TNFRSF14: variants seen among roughly 807,000 people sequenced by gnomAD.
The protein encoded by TNFRSF14 is TNF receptor superfamily member 14.
A neutral mutation model predicts 34.1 loss-of-function variants in TNFRSF14; 18 were observed. The ratio of observed to expected loss-of-function variants is 0.53; its 90% CI spans 0.36 to 0.78. The LOEUF (loss-of-function observed/expected upper bound fraction) is 0.78, where lower values mean the gene tolerates loss of function less well. Among genes scored for constraint, TNFRSF14 ranks in the 30% least tolerant of loss-of-function variants. The pLI is 0.00. For synonymous variants in TNFRSF14, 157 were observed against 153.2 expected (o/e 1.02, Z -0.18); for missense variants, 352 against 379.5 (o/e 0.93, Z 0.60).
At chr1:2,554,296 G>A (rs142352960), upstream of TNFRSF14, 952 of 153,014 alleles carry the variant, frequency 6.2e-3, 10 homozygotes, top group East Asian at 0.039. The surrounding 1 kb of genome is among the most constrained non-coding windows in gnomAD (Gnocchi z 4.2). Context: ...GAGAGCCCAC[G>A]CTGAATGGAT....
At chr1:2,559,572 C>T in intron 3 of TNFRSF14, 1 of 1,527,390 alleles carries the variant, frequency 6.5e-7, no homozygotes, top group South Asian at 1.2e-5. Flanking sequence ...GCTGGTTTCT[C>T]CCATCAACGA....
Position 2,563,784 on chromosome 1 carries a change from T to G in TNFRSF14, c.*511T>G, listed in dbSNP as rs1336510414. On this transcript the variant is annotated 3_prime_UTR_variant, in exon 8 of 8. Transcript: ENST00000355716. ...TCTATTTGTCATGAAACAGTGTATT[T>G]GGGGAGATGCTGTGGGAGGATGTAA... 5 of 235,012 alleles carry G rather than the reference T, an allele frequency of 2.1e-5. No individual in the cohort carries two copies. The highest frequency in any genetic ancestry group is 4.2e-5 in the Non-Finnish European group (5 of 119,122). 14.6% of individuals were successfully genotyped at this position (235,012 alleles called of 1,614,324 possible).
intron 4 of TNFRSF14, 21 bp from the exon 5 acceptor site, chr1:2,560,603 T>C (rs1644293515): frequency 3.1e-6 from 5 of 1,605,946 alleles, no homozygotes; most frequent in Non-Finnish European, 4.3e-6. Context: ...CAGCCCCCTC[T>C]GTCCGTCCCT....
In TNFRSF14 at chr1:2,563,428, G is replaced by A. The variant is rs759219130; in HGVS notation, c.*155G>A. 3.0e-5 allele frequency: 39 copies of A among 1,291,806 alleles called. No individual in the cohort carries two copies. Among genetic ancestry groups the A allele is most frequent in the Non-Finnish European group, 3.8e-5 (36 of 952,954 alleles). The allele number at this position is 1,291,806 out of a possible 1,614,324, so 80.0% of individuals were successfully genotyped here. On this transcript the variant is annotated 3_prime_UTR_variant, in exon 8 of 8. Coordinates refer to ENST00000355716, the MANE Select transcript of TNFRSF14 (RefSeq NM_003820.4). Reference sequence around the variant, plus strand: ...CAGTGGAGGGAGAGGTGGGGCCCCTGCTGGGGTAGAGCTGGGGACGCCACG... The same window carrying A: ...CAGTGGAGGGAGAGGTGGGGCCCCTACTGGGGTAGAGCTGGGGACGCCACG...
At chr1:2,556,361 C>T (rs761337225), upstream of TNFRSF14, 5 of 646,382 alleles carry the variant, frequency 7.7e-6, no homozygotes, top group South Asian at 3.0e-5. Flanking sequence ...TCCCATCGGG[C>T]GCCTCCTTCA....
In TNFRSF14 at chr1:2,559,924, G is replaced by C. The variant is rs376398200; in HGVS notation, c.406G>C (p.Ala136Pro). The C allele has an allele frequency of 6.3e-7, 1 of 1,599,462 alleles. No individual in the cohort carries two copies. Among genetic ancestry groups the C allele is most frequent in the Admixed American group, 1.7e-5 (1 of 58,508 alleles). Reference sequence around the variant, plus strand: ...CATCGTCCAGGACGGGGACCACTGCGCCGCGTGCCGCGCTTACGCCACCTC... The same window carrying C: ...CATCGTCCAGGACGGGGACCACTGCCCCGCGTGCCGCGCTTACGCCACCTC... Reference protein sequence around the residue: ...FCIVQDGDHCAACRAYATSSP... With the variant: ...FCIVQDGDHCPACRAYATSSP... The change falls in exon 4 of 8, where the codon GCC (alanine) becomes CCC (proline). Residue 136 changes from alanine to proline, a missense_variant. By Grantham distance (27) the Ala-to-Pro change is conservative. Coordinates refer to ENST00000355716, the MANE Select transcript of TNFRSF14 (RefSeq NM_003820.4).
chr1:2,558,536 T>A, intron 3 of TNFRSF14, 68 bp downstream of exon 3: 2 of 1,592,824 alleles, frequency 1.3e-6, no homozygotes, highest in South Asian at 2.3e-5. Flanking sequence ...CCCTGCACCC[T>A]CTCTCCATGG....
At position 2,561,180 on chromosome 1, in the gene TNFRSF14, C is replaced by T; in HGVS notation, c.551+466C>T. ...GAGCTTCTTGGGAGGAGCTGGGGTCCCCCAGCGGAGCCTGGGATGGAGCAG... is the reference window on the plus strand; with the variant it reads ...GAGCTTCTTGGGAGGAGCTGGGGTCTCCCAGCGGAGCCTGGGATGGAGCAG... On this transcript the variant is annotated intron_variant, in intron 5 of 7. Coordinates refer to ENST00000355716, the MANE Select transcript of TNFRSF14 (RefSeq NM_003820.4). The surrounding 1 kb of genome is among the most constrained non-coding windows in gnomAD (Gnocchi z 6.0). 2 of 374,074 alleles carry T rather than the reference C, an allele frequency of 5.3e-6. No individual in the cohort carries two copies. Among genetic ancestry groups the T allele is most frequent in the Admixed American group, 4.2e-5 (1 of 23,876 alleles). The allele number at this position is 374,074 out of a possible 1,614,324, so 23.2% of individuals were successfully genotyped here. A position where few individuals can be genotyped will look rare whatever the true frequency, so the allele number is the denominator to read the frequency against.
chr1:2,561,486 C>T lies in TNFRSF14; in HGVS notation c.552-187C>T, dbSNP rs575877930. On this transcript the variant is annotated intron_variant, in intron 5 of 7. Transcript: ENST00000355716. The surrounding 1 kb of genome is among the most constrained non-coding windows in gnomAD (Gnocchi z 6.0). ...TTCTCCTCCTTCCTTCTCTCCACCT[C>T]CCCATAGCCGAGCTTGGAAAAGTCA... The T allele has an allele frequency of 5.3e-6, 8 of 1,521,422 alleles. No individual in the cohort carries two copies. In the Admixed American group the frequency reaches 6.5e-5, roughly 12 times the overall value. 94.2% of individuals were successfully genotyped at this position (1,521,422 alleles called of 1,614,324 possible).
chr1:2,558,218 A>G (rs1644248226), intron 2 of TNFRSF14, 125 bp from the exon 3 acceptor site: 5 of 1,396,004 alleles, frequency 3.6e-6, no homozygotes, highest in African/African-American at 2.9e-5. Flanking sequence ...CGTGGGGCTC[A>G]TGGGCCATTT....
At position 2,558,338 on chromosome 1, in the gene TNFRSF14, G is replaced by T. The variant is rs751476634; in HGVS notation, c.179-5G>T. ...CTTGCGAAGTTCCCACTCTCTGGGC[G>T]GCAGGTTATCGTGTGAAGGAGGCCT... On this transcript the variant is annotated splice_region_variant and splice_polypyrimidine_tract_variant and intron_variant, in intron 2 of 7. Transcript: ENST00000355716. 3 of 1,597,702 alleles carry T rather than the reference G, an allele frequency of 1.9e-6. No homozygotes were observed. Among genetic ancestry groups the T allele is most frequent in the South Asian group, 2.2e-5 (2 of 89,474 alleles).
At chr1:2,556,013 C>T (rs1159785595), upstream of TNFRSF14, 3 of 230,794 alleles carry the variant, frequency 1.3e-5, no homozygotes, top group Non-Finnish European at 2.7e-5. Flanking sequence ...AGCTGCCCTT[C>T]CACCCCTCCC....
At chr1:2,560,427 C>T in intron 4 of TNFRSF14, 197 bp from the exon 5 acceptor site, 1 of 585,382 alleles carries the variant, frequency 1.7e-6, no homozygotes, top group Non-Finnish European at 3.0e-6. Context: ...CCCAGCTACT[C>T]AAGGCCGGGA....
Position 2,561,626 on chromosome 1 carries a change from T to C in TNFRSF14, c.552-47T>C, listed in dbSNP as rs751965757. 1 of 1,608,852 alleles carries C rather than the reference T, an allele frequency of 6.2e-7. No individual in the cohort carries two copies. Among genetic ancestry groups the C allele is most frequent in the African/African-American group, 1.3e-5 (1 of 74,818 alleles). Reference sequence around the variant, plus strand: ...AGGCTCCCTGAGGCTGAGTGAACACTGGGCGCTGCACCTGCCTCTCCCACG... The same window carrying C: ...AGGCTCCCTGAGGCTGAGTGAACACCGGGCGCTGCACCTGCCTCTCCCACG... On this transcript the variant is annotated intron_variant, in intron 5 of 7. Transcript: ENST00000355716. This position sits in a 1 kb window ranked among gnomAD's most constrained non-coding sequence, Gnocchi z 6.0.
intron 3 of TNFRSF14, chr1:2,558,870 T>C: frequency 7.5e-7 from 1 of 1,330,194 alleles, no homozygotes; most frequent in Non-Finnish European, 9.8e-7. Flanking sequence ...TCTTGTCCCT[T>C]TCTCCTCCAG....
At chr1:2,559,230 C>T in intron 3 of TNFRSF14, 1 of 1,369,982 alleles carries the variant, frequency 7.3e-7, no homozygotes, top group Admixed American at 2.2e-5. Flanking sequence ...GGATTTGGGG[C>T]TCACACCTCA....
At position 2,559,870 on chromosome 1, in the gene TNFRSF14, G is replaced by A. The variant is rs750864649; in HGVS notation, c.352G>A (p.Val118Met). The A allele has an allele frequency of 2.8e-5, 45 of 1,605,840 alleles. No homozygotes were observed. Among genetic ancestry groups the A allele is most frequent in the Admixed American group, 5.1e-5 (3 of 59,202 alleles). The change falls in exon 4 of 8, where the codon GTG becomes ATG. Residue 118 changes from valine (V) to methionine (M), a missense_variant. Coordinates refer to ENST00000355716, the MANE Select transcript of TNFRSF14 (RefSeq NM_003820.4). ...GAACTGCTCCAGGACAGAGAACGCC[G>A]TGTGTGGCTGCAGCCCAGGCCACTT... is the stretch of plus-strand genomic sequence containing the variant. The part of the protein sequence containing the change: ...SRNCSRTENA[V>M]CGCSPGHFCI...
upstream of TNFRSF14, chr1:2,555,373 T>G (rs1256075136): frequency 6.6e-6 from 1 of 152,236 alleles, no homozygotes; most frequent in Non-Finnish European, 1.5e-5. This position sits in a 1 kb window ranked among gnomAD's most constrained non-coding sequence, Gnocchi z 6.3. Context: ...CCCGGGCTCC[T>G]GCCACAGATT....
Position 2,556,578 on chromosome 1 carries a change from C to T in TNFRSF14, c.-87C>T. On this transcript the variant is annotated 5_prime_UTR_variant, in exon 1 of 8. Coordinates refer to ENST00000355716, the MANE Select transcript of TNFRSF14 (RefSeq NM_003820.4). Reference sequence around the variant, plus strand: ...CTTTCTCTTTCTCTTTCTCTTCTGGCCCACAGCCGCAGCAATGGCGCTGAG... The same window carrying T: ...CTTTCTCTTTCTCTTTCTCTTCTGGTCCACAGCCGCAGCAATGGCGCTGAG... The T allele has an allele frequency of 1.5e-6, 2 of 1,296,436 alleles. No individual in the cohort carries two copies. The highest frequency in any genetic ancestry group is 2.5e-5 in the East Asian group (1 of 40,554). 80.3% of individuals were successfully genotyped at this position (1,296,436 alleles called of 1,614,324 possible).
Sources: gnomAD v4.1 joint callset for allele counts on GRCh38, gnomAD v4.1.1 for gene constraint, Gnocchi (gnomAD v3.1) non-coding constraint, MANE v1.5 for transcripts, NCBI Gene and HGNC (gene_info 2026-07-23, HGNC 2026-07-21) for gene names.